TUSC3: variants seen among roughly 807,000 people sequenced by gnomAD.
TUSC3 encodes the protein tumor suppressor candidate 3.
In TUSC3, 45 loss-of-function variants were observed where a neutral mutation model predicts 44.8. The observed-to-expected ratio is 1.00, with a 90% CI of 0.79 to 1.29. The LOEUF is 1.29. Among genes scored for constraint, TUSC3 ranks in the 50% most tolerant of loss-of-function variants. TUSC3 has a pLI of 0.00. For missense variants in TUSC3, 519 were observed against 437.9 expected (o/e 1.19, Z -1.65); for synonymous variants, 212 against 152.9 (o/e 1.39, Z -2.85).
At chr8:15,614,902 A>C (rs2129160603) in intron 1 of TUSC3, among the ~76,000 whole-genome samples, 1 of 150,418 alleles carries the variant, frequency 6.6e-6, no homozygotes, top group Non-Finnish European at 1.5e-5. Context: ...GAAAGTATAC[A>C]AGTACAGCTA....
chr8:15,541,633 C>T (rs1801695150), intron 1 of TUSC3, among the ~76,000 whole-genome samples: 1 of 152,208 alleles, frequency 6.6e-6, no homozygotes, highest in East Asian at 1.9e-4. Context: ...TACCTCTCTT[C>T]AGCTTTTAAA....
chr8:15,800,450 A>G, the TUSC3 span, among the ~76,000 whole-genome samples: 3 of 151,916 alleles, frequency 2.0e-5, no homozygotes, highest in Non-Finnish European at 2.9e-5. Context: ...GCTCATGCCT[A>G]TAGTCTCAGC....
At chr8:15,629,864 T>A (rs181670341) in intron 2 of TUSC3, among the ~76,000 whole-genome samples, 15 of 152,280 alleles carry the variant, frequency 9.9e-5, no homozygotes, top group African/African-American at 3.4e-4. Flanking sequence ...CAGATAATTC[T>A]GCTCTTCCTT....
chr8:15,792,943 A>G, the TUSC3 span, among the ~76,000 whole-genome samples: 9 of 151,744 alleles, frequency 5.9e-5, no homozygotes, highest in African/African-American at 9.7e-5. Flanking sequence ...CAAAGCCCCA[A>G]TATCTCCTTT....
intron 1 of TUSC3, among the ~76,000 whole-genome samples, chr8:15,445,524 C>A (rs370590406): frequency 6.6e-6 from 1 of 151,956 alleles, no homozygotes; most frequent in Non-Finnish European, 1.5e-5. Flanking sequence ...TGACTCTTAA[C>A]GAGCATGCTG....
At chr8:15,622,371 G>T (rs991832853) in intron 1 of TUSC3, among the ~76,000 whole-genome samples, 14 of 151,608 alleles carry the variant, frequency 9.2e-5, no homozygotes, top group African/African-American at 3.4e-4. Flanking sequence ...GGGCTCAAGT[G>T]ATCCTCCCAC....
the TUSC3 span, among the ~76,000 whole-genome samples, chr8:15,800,904 G>T: frequency 2.0e-5 from 3 of 152,096 alleles, no homozygotes; most frequent in Non-Finnish European, 4.4e-5. Context: ...CAAGCAATAT[G>T]GCTAGATGCT....
chr8:15,423,990 T>G (rs1298276326), intron 1 of TUSC3, among the ~76,000 whole-genome samples: 7,788 of 127,868 alleles, frequency 0.061, 1,120 homozygotes, highest in African/African-American at 0.17. Context: ...TTTTTTTTTT[T>G]TTTTTTTTTT....
intron 2 of TUSC3, among the ~76,000 whole-genome samples, chr8:15,500,065 C>A (rs1367494921): frequency 6.6e-6 from 1 of 152,154 alleles, no homozygotes; most frequent in Non-Finnish European, 1.5e-5. Context: ...GTCTGGCCAT[C>A]ATCATAACCA....
chr8:15,625,202 T>G (rs908347216), intron 2 of TUSC3, among the ~76,000 whole-genome samples: 6 of 152,198 alleles, frequency 3.9e-5, no homozygotes, highest in African/African-American at 1.4e-4. Flanking sequence ...ACTATTTAAT[T>G]GTGTCATATT....
At chr8:15,670,036 A>T (rs1484061984) in intron 5 of TUSC3, among the ~76,000 whole-genome samples, 4 of 151,908 alleles carry the variant, frequency 2.6e-5, no homozygotes, top group Non-Finnish European at 5.9e-5. Flanking sequence ...TCATAGCATC[A>T]CAAAAAGTTT....
chr8:15,790,463 A>AT, the TUSC3 span, among the ~76,000 whole-genome samples: 2 of 152,098 alleles, frequency 1.3e-5, no homozygotes, highest in Non-Finnish European at 2.9e-5. Flanking sequence ...GATTACAGGC[A>AT]TGAGCCACCA....
At chr8:15,428,240 A>T (rs1351006478) in intron 1 of TUSC3, among the ~76,000 whole-genome samples, 1 of 149,628 alleles carries the variant, frequency 6.7e-6, no homozygotes, top group Non-Finnish European at 1.5e-5. Flanking sequence ...TGTCCTCACG[A>T]TACTTCGCTG....
chr8:15,481,247 CAAA>C (rs57956608), intron 1 of TUSC3, among the ~76,000 whole-genome samples: 47 of 83,048 alleles, frequency 5.7e-4, no homozygotes, highest in African/African-American at 1.4e-3. Flanking sequence ...AACTCCATCT[CAAA>C]AAAAAAAAAA....
chr8:15,742,232 G>GAGGGTTGGTGTTGTGCAGGGGTGGC (rs55870051), intron 7 of TUSC3, among the ~76,000 whole-genome samples: 45 of 151,730 alleles, frequency 3.0e-4, no homozygotes, highest in African/African-American at 9.9e-4. Flanking sequence ...TGTATGGTGG[G>GAGGGTTGGTGTTGTGCAGGGGTGGC]AGGGGCTTTT....
intron 9 of TUSC3, among the ~76,000 whole-genome samples, chr8:15,753,198 GT>G (rs1298252397): frequency 6.6e-6 from 1 of 151,900 alleles, no homozygotes; most frequent in African/African-American, 2.4e-5. Flanking sequence ...TCATGACTTA[GT>G]TATCCAGCTA....
chr8:15,429,147 T>G (rs1267281842), intron 1 of TUSC3, among the ~76,000 whole-genome samples: 1 of 152,154 alleles, frequency 6.6e-6, no homozygotes, highest in Non-Finnish European at 1.5e-5. Context: ...AATTTTTGTA[T>G]AAGGTGTAAG....
chr8:15,840,077 G>A, the TUSC3 span, among the ~76,000 whole-genome samples: 1 of 152,110 alleles, frequency 6.6e-6, no homozygotes, highest in Non-Finnish European at 1.5e-5. Context: ...GTCCTTTGTA[G>A]GGACATGGAT....
At chr8:15,726,346 C>T (rs1311914143) in intron 6 of TUSC3, among the ~76,000 whole-genome samples, 1 of 151,910 alleles carries the variant, frequency 6.6e-6, no homozygotes, top group Non-Finnish European at 1.5e-5. Context: ...TAGTATCATT[C>T]ATATATATTG....
Sources: gnomAD v4.1 joint callset for allele counts (sites outside exome capture counted in the v4.1 genomes callset) on GRCh38, gnomAD v4.1.1 for gene constraint, MANE v1.5 for transcripts, NCBI Gene and HGNC (gene_info 2026-07-23, HGNC 2026-07-21) for gene names.